Variants in SORCS3 observed in about 807,000 individuals in gnomAD.
The protein encoded by SORCS3 is VPS10 domain-containing receptor SorCS3.
Under a neutral mutation model 146.3 loss-of-function variants are expected in SORCS3, and 57 were observed. That is an observed-to-expected ratio of 0.39 (90% CI 0.31 to 0.49). SORCS3 has a LOEUF of 0.49. Ranked by LOEUF, SORCS3 falls within the 20% of genes least tolerant of loss-of-function variation. SORCS3 has a pLI of 0.92. For missense variants in SORCS3, 1,341 were observed against 1,575.5 expected, an observed-to-expected ratio of 0.85 and a Z score of 2.52; for synonymous variants, 653 against 618.5, an observed-to-expected ratio of 1.06 and a Z score of -0.83.
chr10:105,236,353 G>C (rs994555870), intron 20 of SORCS3, among the ~76,000 whole-genome samples: 1 of 152,038 alleles, frequency 6.6e-6, no homozygotes, highest in Non-Finnish European at 1.5e-5. Flanking sequence ...TTATCTCCTG[G>C]AGGTTACATA....
intron 5 of SORCS3, among the ~76,000 whole-genome samples, chr10:105,068,084 C>G (rs931168395): frequency 6.6e-6 from 1 of 152,106 alleles, no homozygotes; most frequent in African/African-American, 2.4e-5. Flanking sequence ...CATCTCTACC[C>G]TGATATGGCT....
At chr10:105,042,591 CAT>C (rs1158939822) in intron 4 of SORCS3, among the ~76,000 whole-genome samples, 2 of 152,070 alleles carry the variant, frequency 1.3e-5, no homozygotes, top group Non-Finnish European at 2.9e-5. Flanking sequence ...CTTGCAAAAA[CAT>C]AGGAGTGTGA....
intron 1 of SORCS3, among the ~76,000 whole-genome samples, chr10:104,827,755 G>A (rs143545280): frequency 6.6e-6 from 1 of 152,282 alleles, no homozygotes; most frequent in East Asian, 1.9e-4. Context: ...AAGGCTGTTG[G>A]TTTACATTGA....
chr10:104,836,689 C>G (rs1360078128), intron 1 of SORCS3, among the ~76,000 whole-genome samples: 1 of 152,122 alleles, frequency 6.6e-6, no homozygotes, highest in Non-Finnish European at 1.5e-5. Flanking sequence ...CAATCCCACT[C>G]TCCTTCTTGC....
At chr10:104,713,130 T>TGTGC (rs2016438277) in intron 1 of SORCS3, among the ~76,000 whole-genome samples, 2 of 750 alleles carry the variant, frequency 2.7e-3, no homozygotes, top group Non-Finnish European at 0.083. Flanking sequence ...TGTGTGTGCG[T>TGTGC]GTGTGTGTGT....
At chr10:105,065,565 G>A (rs895659027) in intron 5 of SORCS3, among the ~76,000 whole-genome samples, 2 of 152,072 alleles carry the variant, frequency 1.3e-5, no homozygotes, top group Non-Finnish European at 2.9e-5. Context: ...CTCAGTGTAA[G>A]TTCTAGAGGC....
chr10:104,846,314 A>G (rs2018203669), intron 2 of SORCS3, among the ~76,000 whole-genome samples: 1 of 152,144 alleles, frequency 6.6e-6, no homozygotes, highest in African/African-American at 2.4e-5. Context: ...TCCTGTACTG[A>G]TAATGATGTA....
At chr10:104,773,249 G>A (rs555086957) in intron 1 of SORCS3, among the ~76,000 whole-genome samples, 4 of 152,308 alleles carry the variant, frequency 2.6e-5, no homozygotes, top group Admixed American at 6.5e-5. Flanking sequence ...CAGCATGCTA[G>A]CATGTGTGTT....
At chr10:104,778,530 T>A (rs2017338413) in intron 1 of SORCS3, among the ~76,000 whole-genome samples, 1 of 152,234 alleles carries the variant, frequency 6.6e-6, no homozygotes. Flanking sequence ...ATCCACTTCA[T>A]GGTTTGCAGT....
At chr10:105,241,312 A>G (rs2056821634) in intron 20 of SORCS3, among the ~76,000 whole-genome samples, 1 of 152,174 alleles carries the variant, frequency 6.6e-6, no homozygotes, top group African/African-American at 2.4e-5. Context: ...ACACAGGAGC[A>G]AGCTCCATGG....
chr10:104,899,574 T>A (rs2018831129), intron 2 of SORCS3, among the ~76,000 whole-genome samples: 2 of 152,182 alleles, frequency 1.3e-5, no homozygotes, highest in African/African-American at 4.8e-5. Context: ...CTTGGATGAA[T>A]TGCATGGCCA....
intron 1 of SORCS3, among the ~76,000 whole-genome samples, chr10:104,677,933 T>G (rs1418306409): frequency 6.6e-6 from 1 of 152,154 alleles, no homozygotes; most frequent in African/African-American, 2.4e-5. Flanking sequence ...AAATATTTGT[T>G]TCCTCCCTTT....
At chr10:105,119,635 A>G (rs568039018) in intron 7 of SORCS3, among the ~76,000 whole-genome samples, 6 of 152,286 alleles carry the variant, frequency 3.9e-5, no homozygotes, top group Non-Finnish European at 7.4e-5. Flanking sequence ...CTGCATCAAC[A>G]TGATCTGCAT....
intron 2 of SORCS3, among the ~76,000 whole-genome samples, chr10:104,879,152 T>C (rs2018606587): frequency 6.6e-6 from 1 of 152,238 alleles, no homozygotes; most frequent in African/African-American, 2.4e-5. Flanking sequence ...CAACATGTAG[T>C]GGCATAAAAT....
intron 1 of SORCS3, among the ~76,000 whole-genome samples, chr10:104,827,063 A>G (rs2017944825): frequency 6.6e-6 from 1 of 152,182 alleles, no homozygotes; most frequent in Non-Finnish European, 1.5e-5. Flanking sequence ...TATTTCGACC[A>G]TATCTGCAGT....
chr10:105,038,789 T>C lies in SORCS3; in HGVS notation c.955-4266T>C, dbSNP rs1183935915. Among the ~76,000 whole-genome samples the C allele has an allele frequency of 2.0e-5, 3 of 152,178 alleles. No homozygotes were observed. In the South Asian group the frequency reaches 6.2e-4, roughly 31 times the overall value. On this transcript the variant is annotated intron_variant, in intron 4 of 26. Transcript: ENST00000369701. The stretch of plus-strand genomic sequence containing the variant: ...ATAACATATTTTTAAATTAATAATG[T>C]CATGAGAATTTTAATATCCTTAAAT...
intron 13 of SORCS3, among the ~76,000 whole-genome samples, chr10:105,175,229 T>A (rs1407262497): frequency 6.7e-6 from 1 of 149,754 alleles, no homozygotes; most frequent in Non-Finnish European, 1.5e-5. Context: ...TTTTTTTTTT[T>A]TTTTTGTATT....
chr10:104,962,668 C>T (rs1245147467), intron 3 of SORCS3, among the ~76,000 whole-genome samples: 1 of 152,062 alleles, frequency 6.6e-6, no homozygotes, highest in East Asian at 1.9e-4. Flanking sequence ...GCAGGCAATG[C>T]GTAGCATGTT....
intron 1 of SORCS3, among the ~76,000 whole-genome samples, chr10:104,711,455 A>G (rs2016415481): frequency 6.6e-6 from 1 of 152,234 alleles, no homozygotes; most frequent in Admixed American, 6.5e-5. Flanking sequence ...CAAGCGTCTT[A>G]CTGGAGGCCA....
Sources: allele counts gnomAD v4.1 joint callset (sites outside exome capture counted in the v4.1 genomes callset), GRCh38; gene constraint gnomAD v4.1.1; transcripts MANE v1.5; gene names NCBI Gene and HGNC (gene_info 2026-07-23, HGNC 2026-07-21).